Variants in LPAR3 observed in about 807,000 individuals in gnomAD.
LPAR3 encodes lysophosphatidic acid receptor 3, also known as LPA receptor 3.
Under a neutral mutation model 17.8 loss-of-function variants are expected in LPAR3, and 7 were observed. That is an observed-to-expected ratio of 0.39 (90% CI 0.22 to 0.74). The LOEUF (loss-of-function observed/expected upper bound fraction) is 0.74, where lower values mean the gene tolerates loss of function less well. Among genes scored for constraint, LPAR3 ranks in the 30% least tolerant of loss-of-function variants. The probability of loss-of-function intolerance (pLI) is 0.40; values close to 1 mark genes in which losing one functional copy is unlikely to be tolerated. For synonymous variants in LPAR3, 179 were observed against 179.9 expected (o/e 0.99, Z 0.04); for missense variants, 391 against 453.4 (o/e 0.86, Z 1.25).
chr1:84,886,107 T>C (rs59261690), intron 1 of LPAR3, among the ~76,000 whole-genome samples: 4,712 of 152,322 alleles, frequency 0.031, 238 homozygotes, highest in African/African-American at 0.11. Context: ...TAAATACAAT[T>C]CTCATATTGC....
intron 2 of LPAR3, among the ~76,000 whole-genome samples, chr1:84,863,067 T>C (rs1372375565): frequency 1.3e-5 from 2 of 152,080 alleles, no homozygotes; most frequent in Non-Finnish European, 2.9e-5. Context: ...CTCCCTTTTT[T>C]TTTTTTTGGT....
At chr1:84,824,728 C>T (rs1659120855) in intron 2 of LPAR3, among the ~76,000 whole-genome samples, 1 of 152,190 alleles carries the variant, frequency 6.6e-6, no homozygotes, top group Admixed American at 6.5e-5. Flanking sequence ...TGGTTACTTC[C>T]TCTGCTGTCC....
rs563275328 is a variant in LPAR3, at chr1:84,871,436, C to T, written c.-18-5298G>A. ...TTATTTCTAGCTACATCTTATGAGA[C>T]AAGTTGCTGCCTGGCTTTTTAGCTG... On this transcript the variant is annotated intron_variant, in intron 1 of 2. Transcript: ENST00000370611. 5.9e-5 allele frequency among the ~76,000 whole-genome samples: 9 copies of T among 152,314 alleles called. No individual in the cohort carries two copies. The East Asian group carries it at 1.7e-3, about 29-fold the overall frequency.
At chr1:84,844,803 C>T (rs757656592) in intron 2 of LPAR3, among the ~76,000 whole-genome samples, 3 of 152,174 alleles carry the variant, frequency 2.0e-5, no homozygotes, top group Non-Finnish European at 4.4e-5. Context: ...TACACACATA[C>T]AACCCCGACC....
intron 2 of LPAR3, among the ~76,000 whole-genome samples, chr1:84,835,420 TC>T (rs1659377062): frequency 6.6e-6 from 1 of 152,226 alleles, no homozygotes; most frequent in Non-Finnish European, 1.5e-5. Context: ...AAGGTCTTAC[TC>T]ATCTTTGTGG....
intron 2 of LPAR3, among the ~76,000 whole-genome samples, chr1:84,849,387 A>AG (rs1301240667): frequency 6.6e-6 from 1 of 151,150 alleles, no homozygotes; most frequent in Non-Finnish European, 1.5e-5. Flanking sequence ...AAAAAAAAAA[A>AG]AAAAAAGAAA....
intron 1 of LPAR3, among the ~76,000 whole-genome samples, chr1:84,884,398 C>T (rs564451721): frequency 6.6e-5 from 10 of 152,198 alleles, no homozygotes; most frequent in East Asian, 5.8e-4. Context: ...TTTGTGGCAC[C>T]GGGGAACAAG....
chr1:84,853,261 C>T (rs1476609691), intron 2 of LPAR3, among the ~76,000 whole-genome samples: 1 of 152,076 alleles, frequency 6.6e-6, no homozygotes, highest in Admixed American at 6.6e-5. Flanking sequence ...CTCGTGGATC[C>T]CCCAGCTCCT....
chr1:84,865,498 C>T lies in LPAR3; in HGVS notation c.623G>A (p.Arg208Gln), dbSNP rs1439868182. The change falls in exon 2 of 3, where the codon CGG becomes CAG. Residue 208 changes from arginine to glutamine, a missense_variant. Arg to Gln is a conservative substitution (Grantham distance 43). Coordinates refer to ENST00000370611, the MANE Select transcript of LPAR3 (RefSeq NM_012152.3). ...AFLIMVVVYLRIYVYVKRKTN... is the reference protein window; with the variant it reads ...AFLIMVVVYLQIYVYVKRKTN... ...TTTCCTCTTGACGTACACGTAGATCCGCAGGTACACCACAACCATGATGAG... is the reference window on the plus strand; with the variant it reads ...TTTCCTCTTGACGTACACGTAGATCTGCAGGTACACCACAACCATGATGAG... The T allele has an allele frequency of 9.3e-6, 15 of 1,613,994 alleles. No individual in the cohort carries two copies. The East Asian group carries it at 1.8e-4, about 19-fold the overall frequency.
chr1:84,853,995 C>T (rs553443953), intron 2 of LPAR3, among the ~76,000 whole-genome samples: 1 of 152,310 alleles, frequency 6.6e-6, no homozygotes, highest in East Asian at 1.9e-4. Context: ...CTCCCTATTT[C>T]CTTATATCCA....
At chr1:84,852,208 G>A (rs535518492) in intron 2 of LPAR3, among the ~76,000 whole-genome samples, 4 of 151,856 alleles carry the variant, frequency 2.6e-5, no homozygotes, top group South Asian at 2.1e-4. Context: ...TCAGCCTCCC[G>A]AGTAGTTGGG....
Position 84,887,849 on chromosome 1 carries a change from G to A in LPAR3, c.-19+5167C>T, listed in dbSNP as rs187846974. Among the ~76,000 whole-genome samples, 440 of 152,234 alleles carry A rather than the reference G, an allele frequency of 2.9e-3. 4 individuals are homozygous for A. The Middle Eastern group carries it at 0.037, about 13-fold the overall frequency. On this transcript the variant is annotated intron_variant, in intron 1 of 2. Transcript: ENST00000370611. ...CACTTTAGGAACAGGGAAAGTCTGA[G>A]GAACCGTTCCAGAAGAGACATGGTA...
intron 1 of LPAR3, among the ~76,000 whole-genome samples, chr1:84,886,559 G>T (rs369506955): frequency 6.6e-6 from 1 of 152,174 alleles, no homozygotes; most frequent in Non-Finnish European, 1.5e-5. Flanking sequence ...ATTGTATTCT[G>T]CTAATTTGCC....
intron 2 of LPAR3, among the ~76,000 whole-genome samples, chr1:84,816,389 C>CT (rs1212552688): frequency 6.6e-6 from 1 of 152,232 alleles, no homozygotes; most frequent in East Asian, 1.9e-4. Flanking sequence ...TTAGCCTGAT[C>CT]TTTCATTCAT....
chr1:84,878,639 C>A (rs1365699935), intron 1 of LPAR3, among the ~76,000 whole-genome samples: 1 of 152,116 alleles, frequency 6.6e-6, no homozygotes, highest in Non-Finnish European at 1.5e-5. Flanking sequence ...TTTCAATCTA[C>A]CTCAGCTCAG....
chr1:84,876,486 A>G (rs1357207641), intron 1 of LPAR3, among the ~76,000 whole-genome samples: 1 of 152,022 alleles, frequency 6.6e-6, no homozygotes. Flanking sequence ...GGCTGGGTTA[A>G]CCACTATCAG....
At chr1:84,848,828 A>T (rs1236580229) in intron 2 of LPAR3, among the ~76,000 whole-genome samples, 1 of 152,184 alleles carries the variant, frequency 6.6e-6, no homozygotes, top group Non-Finnish European at 1.5e-5. Flanking sequence ...AGTTTGCCAC[A>T]TGTCAGGAGT....
intron 2 of LPAR3, among the ~76,000 whole-genome samples, chr1:84,838,190 G>A (rs940519970): frequency 1.3e-5 from 2 of 152,148 alleles, no homozygotes; most frequent in East Asian, 1.9e-4. Flanking sequence ...GGTATCTGAC[G>A]GTGAGGATCA....
intron 2 of LPAR3, among the ~76,000 whole-genome samples, chr1:84,860,214 C>G (rs1023211068): frequency 6.6e-6 from 1 of 152,176 alleles, no homozygotes; most frequent in African/African-American, 2.4e-5. Flanking sequence ...ATCATCACTA[C>G]CACCACTACC....
Sources: gnomAD v4.1 joint callset for allele counts (sites outside exome capture counted in the v4.1 genomes callset) on GRCh38, gnomAD v4.1.1 for gene constraint, MANE v1.5 for transcripts, NCBI Gene and HGNC (gene_info 2026-07-23, HGNC 2026-07-21) for gene names.